Variants in KCNIP4 observed in about 807,000 individuals in gnomAD.
The protein encoded by KCNIP4 is potassium voltage-gated channel interacting protein 4.
A neutral mutation model predicts 34.0 loss-of-function variants in KCNIP4; 12 were observed. That is an observed-to-expected ratio of 0.35 (90% CI 0.23 to 0.57). KCNIP4 has a LOEUF of 0.57. Among genes scored for constraint, KCNIP4 ranks in the 20% least tolerant of loss-of-function variants. KCNIP4 has a pLI of 0.83. For synonymous variants in KCNIP4, 124 were observed against 102.2 expected, an observed-to-expected ratio of 1.21 and a Z score of -1.29; for missense variants, 238 against 311.7, an observed-to-expected ratio of 0.76 and a Z score of 1.78.
At chr4:21,438,709 C>T (rs1375136512) in intron 1 of KCNIP4, among the ~76,000 whole-genome samples, 1 of 152,054 alleles carries the variant, frequency 6.6e-6, no homozygotes, top group Non-Finnish European at 1.5e-5. Context: ...AATTTAAGTT[C>T]ATTTACATAA....
At chr4:21,399,847 C>T (rs1044177470) in intron 1 of KCNIP4, among the ~76,000 whole-genome samples, 7 of 152,088 alleles carry the variant, frequency 4.6e-5, no homozygotes, top group Admixed American at 4.6e-4. Context: ...TCTAATCATA[C>T]AGCAAGCTAT....
chr4:20,827,902 G>A (rs1373361405), intron 3 of KCNIP4, among the ~76,000 whole-genome samples: 1 of 150,464 alleles, frequency 6.6e-6, no homozygotes, highest in African/African-American at 2.5e-5. Flanking sequence ...TCCCCAGCTA[G>A]TGAGACTGTG....
At chr4:21,859,466 T>A (rs1275524148) in intron 1 of KCNIP4, among the ~76,000 whole-genome samples, 1 of 148,308 alleles carries the variant, frequency 6.7e-6, no homozygotes, top group Non-Finnish European at 1.5e-5. Context: ...AAAAAAAAAA[T>A]TAGCCGGAAA....
chr4:21,439,205 G>T (rs1310704131), intron 1 of KCNIP4, among the ~76,000 whole-genome samples: 1 of 151,810 alleles, frequency 6.6e-6, no homozygotes, highest in Non-Finnish European at 1.5e-5. Flanking sequence ...CAACAAGAGG[G>T]AGGTCCTTGT....
intron 1 of KCNIP4, among the ~76,000 whole-genome samples, chr4:21,540,002 A>C (rs79014578): frequency 7.1e-6 from 1 of 141,624 alleles, no homozygotes; most frequent in African/African-American, 3.0e-5. Flanking sequence ...AAACAGACAA[A>C]AAAAAAAAAA....
At chr4:20,854,061 C>T (rs1052984333) in intron 2 of KCNIP4, among the ~76,000 whole-genome samples, 1 of 152,106 alleles carries the variant, frequency 6.6e-6, no homozygotes, top group Non-Finnish European at 1.5e-5. Context: ...ACTAGTACAG[C>T]CATTATGGAA....
chr4:21,579,712 A>G (rs1207458172), intron 1 of KCNIP4, among the ~76,000 whole-genome samples: 1 of 152,174 alleles, frequency 6.6e-6, no homozygotes, highest in Non-Finnish European at 1.5e-5. Context: ...CTCAGAGTAA[A>G]TGGATAATTC....
intron 5 of KCNIP4, among the ~76,000 whole-genome samples, chr4:20,736,201 T>G (rs967059400): frequency 6.6e-6 from 1 of 152,214 alleles, no homozygotes; most frequent in Non-Finnish European, 1.5e-5. Flanking sequence ...TACACAAGTA[T>G]AAGATATATT....
chr4:20,745,114 G>A (rs1051005775), intron 5 of KCNIP4, among the ~76,000 whole-genome samples: 4 of 152,182 alleles, frequency 2.6e-5, no homozygotes, highest in Non-Finnish European at 5.9e-5. Context: ...ATGGAGCCAA[G>A]GAGCTTTGGC....
In KCNIP4 at chr4:20,738,129, C is replaced by CAAAA. The variant is rs200429048; in HGVS notation, c.430-3398_430-3395dup. 6.1e-5 allele frequency among the ~76,000 whole-genome samples: 7 copies of CAAAA among 115,560 alleles called. No individual in the cohort carries two copies. In the East Asian group the frequency reaches 1.0e-3, roughly 17 times the overall value. The allele number at this position is 115,560 out of a possible 152,430, so 75.8% of individuals were successfully genotyped here. ...TGGATGACAGACCAAGACTCTGTCT[C>CAAAA]AAAAAAAAAAAAAAAATCCTTAGCT... On this transcript the variant is annotated intron_variant, in intron 5 of 8. Coordinates refer to ENST00000382152, the MANE Select transcript of KCNIP4 (RefSeq NM_025221.6).
At chr4:21,356,106 G>A (rs973110238) in intron 1 of KCNIP4, among the ~76,000 whole-genome samples, 2 of 151,850 alleles carry the variant, frequency 1.3e-5, no homozygotes, top group East Asian at 1.9e-4. Context: ...AACAGCCTTC[G>A]ACAAAATTCA....
chr4:21,152,398 C>A (rs1301209418), intron 1 of KCNIP4, among the ~76,000 whole-genome samples: 1 of 152,086 alleles, frequency 6.6e-6, no homozygotes, highest in African/African-American at 2.4e-5. Flanking sequence ...TCCATTCTCT[C>A]ATTTTTTAAA....
chr4:21,221,460 C>T (rs919077830), intron 1 of KCNIP4, among the ~76,000 whole-genome samples: 4 of 152,100 alleles, frequency 2.6e-5, no homozygotes, highest in African/African-American at 9.7e-5. Flanking sequence ...AGCAAGGCAC[C>T]TTCTTCACAA....
intron 1 of KCNIP4, among the ~76,000 whole-genome samples, chr4:21,144,658 G>T (rs16870448): frequency 2.0e-5 from 3 of 152,050 alleles, no homozygotes; most frequent in Non-Finnish European, 4.4e-5. Context: ...ATGTAAAATG[G>T]GGCTCATCTC....
intron 1 of KCNIP4, among the ~76,000 whole-genome samples, chr4:20,950,167 G>T (rs963141387): frequency 1.3e-5 from 2 of 148,616 alleles, no homozygotes; most frequent in Non-Finnish European, 3.0e-5. Context: ...TTCTTCCTGT[G>T]CAGAGAAAGG....
chr4:21,005,244 A>G (rs1202391561), intron 1 of KCNIP4, among the ~76,000 whole-genome samples: 4 of 152,178 alleles, frequency 2.6e-5, no homozygotes, highest in Admixed American at 6.5e-5. Flanking sequence ...TTCCCCTGAC[A>G]TCCACCTGGT....
intron 2 of KCNIP4, among the ~76,000 whole-genome samples, chr4:20,870,412 T>C (rs969438331): frequency 1.3e-5 from 2 of 152,136 alleles, no homozygotes; most frequent in African/African-American, 2.4e-5. Flanking sequence ...TCCCCAACCA[T>C]GCTTCCTTTA....
At chr4:21,351,360 G>C (rs977462116) in intron 1 of KCNIP4, among the ~76,000 whole-genome samples, 1 of 152,078 alleles carries the variant, frequency 6.6e-6, no homozygotes, top group African/African-American at 2.4e-5. Context: ...ACTCTCATGA[G>C]ATCAGATGGT....
chr4:21,461,179 A>G (rs1202526624), intron 1 of KCNIP4, among the ~76,000 whole-genome samples: 1 of 151,780 alleles, frequency 6.6e-6, no homozygotes, highest in Non-Finnish European at 1.5e-5. Context: ...TTCTCATGAG[A>G]TCTGGCTGTT....
Sources: gnomAD v4.1 joint callset for allele counts (sites outside exome capture counted in the v4.1 genomes callset) on GRCh38, gnomAD v4.1.1 for gene constraint, MANE v1.5 for transcripts, NCBI Gene and HGNC (gene_info 2026-07-23, HGNC 2026-07-21) for gene names.